Variants in ZNF696 observed in about 807,000 individuals in gnomAD.
ZNF696 encodes the protein zinc finger protein 696.
ZNF696 carries 10 observed loss-of-function variants against 12.3 expected under a neutral mutation model. That is an observed-to-expected ratio of 0.81 (90% CI 0.50 to 1.38). The LOEUF is 1.38. Among genes scored for constraint, ZNF696 ranks in the 40% most tolerant of loss-of-function variants. ZNF696 has a pLI of 0.00. For synonymous variants in ZNF696, 304 were observed against 243.9 expected (o/e 1.25, Z -2.29); for missense variants, 675 against 554.7 (o/e 1.22, Z -2.18).
intron 1 of ZNF696, 87 bp from the exon 2 acceptor site, chr8:143,292,885 C>T: frequency 8.6e-7 from 1 of 1,169,450 alleles, no homozygotes; most frequent in African/African-American, 1.5e-5. Context: ...CTGACAGTTT[C>T]CTCTGAAGGC....
At position 143,296,313 on chromosome 8, in the gene ZNF696, A is replaced by T. The variant is rs1487294480; in HGVS notation, c.638A>T (p.Asp213Val). ...GGCGAGAAGCCCTACGCGTGCGCCG[A>T]CTGCGGCAAGGCCTTCGGCCAGAGG... ...HTGEKPYACA[D>V]CGKAFGQRSD... The change falls in exon 3 of 3, where the codon GAC becomes GTC. Residue 213 changes from aspartate (D) to valine (V), a missense_variant. Asp to Val is a radical substitution (Grantham distance 152). Transcript: ENST00000330143. 5 of 1,596,528 alleles carry T rather than the reference A, an allele frequency of 3.1e-6. No homozygotes were observed. The highest frequency in any genetic ancestry group is 4.3e-6 in the Non-Finnish European group (5 of 1,174,954).
At position 143,298,117 on chromosome 8, in the gene ZNF696, C is replaced by G. The variant is rs1370954186; in HGVS notation, c.*1317C>G. The G allele has an allele frequency of 6.6e-6, 1 of 152,204 alleles. No homozygotes were observed. Among genetic ancestry groups the G allele is most frequent in the African/African-American group, 2.4e-5 (1 of 41,448 alleles). The allele number at this position is 152,204 out of a possible 1,614,324, so 9.4% of individuals were successfully genotyped here. A position where few individuals can be genotyped will look rare whatever the true frequency, so the allele number is the denominator to read the frequency against. The stretch of plus-strand genomic sequence containing the variant: ...ATGACAGGGAAATGTGAGCCGCCTA[C>G]TGGCCGTGAGCCCCTGGGGTGCGGT... On this transcript the variant is annotated 3_prime_UTR_variant, in exon 3 of 3. Transcript: ENST00000330143.
chr8:143,296,737 C>T lies in ZNF696; in HGVS notation c.1062C>T (p.Cys354=), dbSNP rs1297918432. 6 of 1,506,610 alleles carry T rather than the reference C, an allele frequency of 4.0e-6. No homozygotes were observed. The highest frequency in any genetic ancestry group is 2.2e-5 in the Admixed American group (1 of 45,086). 93.3% of individuals were successfully genotyped at this position (1,506,610 alleles called of 1,614,324 possible). Residue 354 remains cysteine (C), a synonymous_variant, in exon 3 of 3, where the codon TGC becomes TGT. Coordinates refer to ENST00000330143, the MANE Select transcript of ZNF696 (RefSeq NM_030895.3). ...TGEKPFRCTE[C]GRAFRLSFHL... ...AGAAGCCGTTCCGCTGCACCGAGTG[C>T]GGCCGCGCCTTCCGCCTGAGCTTCC... is the stretch of plus-strand genomic sequence containing the variant.
intron 2 of ZNF696, among the ~76,000 whole-genome samples, chr8:143,293,679 CACGT>C (rs1190078251): frequency 7.6e-6 from 1 of 132,316 alleles, no homozygotes; most frequent in African/African-American, 3.4e-5. Flanking sequence ...AGAGCTCCAC[CACGT>C]ATGTGTCCCC....
rs1176662319 is a variant in ZNF696, at chr8:143,296,366, C to G, written c.691C>G (p.His231Asp). 2 of 1,594,228 alleles carry G rather than the reference C, an allele frequency of 1.3e-6. No individual in the cohort carries two copies. The highest frequency in any genetic ancestry group is 1.7e-6 in the Non-Finnish European group (2 of 1,173,938). The change falls in exon 3 of 3, where the codon CAC (histidine) becomes GAC (aspartate). Residue 231 changes from histidine (H) to aspartate (D), a missense_variant. Physicochemically the swap from His to Asp is moderately conservative, Grantham distance 81. Transcript: ENST00000330143. The stretch of plus-strand genomic sequence containing the variant: ...GGACGCCGCCAAGCACCGCCGCACC[C>G]ACACCGGGGAGAGGCTGTACGCGTG... ...RSDAAKHRRTHTGERLYACGE... is the reference protein window; with the variant it reads ...RSDAAKHRRTDTGERLYACGE...
In ZNF696 at chr8:143,297,073, G is replaced by T; in HGVS notation, c.*273G>T. 2.8e-6 allele frequency: 1 copy of T among 363,578 alleles called. No homozygotes were observed. The highest frequency in any genetic ancestry group is 4.9e-6 in the Non-Finnish European group (1 of 204,318). 22.5% of individuals were successfully genotyped at this position (363,578 alleles called of 1,614,324 possible). A position where few individuals can be genotyped will look rare whatever the true frequency, so the allele number is the denominator to read the frequency against. ...TGTCCCGGGCCGGCCGCCCGCCTCT[G>T]AGACTCCCCGCCTCCCACGGTCAGC... On this transcript the variant is annotated 3_prime_UTR_variant, in exon 3 of 3. Transcript: ENST00000330143.
Position 143,296,748 on chromosome 8 carries a change from TCC to T in ZNF696, c.1074_1075del (p.Phe358LeufsTer141), listed in dbSNP as rs1310008977. On this transcript the variant is annotated frameshift_variant, in exon 3 of 3. Coordinates refer to ENST00000330143, the MANE Select transcript of ZNF696 (RefSeq NM_030895.3). LOFTEE classifies it high-confidence loss of function. ...CGCTGCACCGAGTGCGGCCGCGCCT[TCC>T]GCCTGAGCTTCCACCTCATCCAGCA... is the stretch of plus-strand genomic sequence containing the variant. 6.7e-6 allele frequency: 10 copies of T among 1,484,954 alleles called. No homozygotes were observed. The highest frequency in any genetic ancestry group is 2.4e-5 in the Admixed American group (1 of 42,392). 92.0% of individuals were successfully genotyped at this position (1,484,954 alleles called of 1,614,324 possible).
chr8:143,296,672 C>T lies in ZNF696; in HGVS notation c.997C>T (p.Leu333=). 1.9e-6 allele frequency: 3 copies of T among 1,568,944 alleles called. No individual in the cohort carries two copies. Among genetic ancestry groups the T allele is most frequent in the Non-Finnish European group, 1.7e-6 (2 of 1,165,106 alleles). ...CGHCGRAFRA[L]SGFFRHQRLH... The stretch of plus-strand genomic sequence containing the variant: ...CCACTGCGGGCGCGCGTTCCGGGCG[C>T]TGTCGGGCTTCTTCCGGCACCAGCG... Residue 333 remains leucine, a synonymous_variant, in exon 3 of 3, where the codon CTG becomes TTG. Transcript: ENST00000330143.
Position 143,298,589 on chromosome 8 carries a change from A to C in ZNF696, c.*1789A>C, listed in dbSNP as rs1257301565. Among the ~76,000 whole-genome samples, 2 of 152,202 alleles carry C rather than the reference A, an allele frequency of 1.3e-5. No individual in the cohort carries two copies. The highest frequency in any genetic ancestry group is 4.8e-5 in the African/African-American group (2 of 41,448). ...AGTCAGCTGACTGAGGGCCAACAGA[A>C]ACAGCAGGCAGCCGCTGTCAGCCAC... On this transcript the variant is annotated 3_prime_UTR_variant, in exon 3 of 3. Transcript: ENST00000330143.
chr8:143,296,618 C>G lies in ZNF696; in HGVS notation c.943C>G (p.His315Asp). 1 of 1,586,150 alleles carries G rather than the reference C, an allele frequency of 6.3e-7. No homozygotes were observed. Among genetic ancestry groups the G allele is most frequent in the Non-Finnish European group, 8.5e-7 (1 of 1,172,474 alleles). ...SSFLREHRRI[H>D]TGEKPHQCGH... ...CTTCCTCCGCGAGCACCGCCGCATC[C>G]ACACCGGGGAGAAGCCCCACCAGTG... Residue 315 changes from histidine to aspartate, a missense_variant, in exon 3 of 3, where the codon CAC (histidine) becomes GAC (aspartate). His to Asp is a moderately conservative substitution (Grantham distance 81, BLOSUM62 -1). Coordinates refer to ENST00000330143, the MANE Select transcript of ZNF696 (RefSeq NM_030895.3).
rs769135621 is a variant in ZNF696 at position 143,296,316 on chromosome 8, G to C, written c.641G>C (p.Cys214Ser). 1 of 1,597,956 alleles carries C rather than the reference G, an allele frequency of 6.3e-7. No individual in the cohort carries two copies. The highest frequency in any genetic ancestry group is 2.2e-5 in the East Asian group (1 of 44,628). Residue 214 changes from cysteine (C) to serine (S), a missense_variant, in exon 3 of 3, where the codon TGC (cysteine) becomes TCC (serine). Cys to Ser is a moderately radical substitution (Grantham distance 112). Coordinates refer to ENST00000330143, the MANE Select transcript of ZNF696 (RefSeq NM_030895.3). ...TGEKPYACAD[C>S]GKAFGQRSDA... ...GAGAAGCCCTACGCGTGCGCCGACT[G>C]CGGCAAGGCCTTCGGCCAGAGGTCG...
At position 143,296,228 on chromosome 8, in the gene ZNF696, G is replaced by C. The variant is rs1372320418; in HGVS notation, c.553G>C (p.Glu185Gln). 5 of 1,596,044 alleles carry C rather than the reference G, an allele frequency of 3.1e-6. No individual in the cohort carries two copies. Among genetic ancestry groups the C allele is most frequent in the Admixed American group, 3.4e-5 (2 of 58,530 alleles). ...HSGERPYACA[E>Q]CGKAFGQSFN... ...CGGGGAGAGGCCCTACGCGTGCGCC[G>C]AGTGCGGCAAGGCCTTCGGCCAGAG... Residue 185 changes from glutamate to glutamine, a missense_variant, in exon 3 of 3, where the codon GAG becomes CAG. Transcript: ENST00000330143.
chr8:143,291,891 C>A, intron 1 of ZNF696, 124 bp downstream of exon 1: 1 of 616,502 alleles, frequency 1.6e-6, no homozygotes, highest in Non-Finnish European at 2.0e-6. Flanking sequence ...CTCAAGCGAT[C>A]CTCCCGCTCA....
Position 143,296,574 on chromosome 8 carries a change from G to A in ZNF696, c.899G>A (p.Arg300His). ...CCCTTCGCCTGCCAGGACTGCGGCCGCGCCTTCAGCCGCAGCTCCTTCCTC... is the reference window on the plus strand; with the variant it reads ...CCCTTCGCCTGCCAGGACTGCGGCCACGCCTTCAGCCGCAGCTCCTTCCTC... ...ERPFACQDCG[R>H]AFSRSSFLRE... The change falls in exon 3 of 3, where the codon CGC becomes CAC. Residue 300 changes from arginine (R) to histidine (H), a missense_variant. Arg to His is a conservative substitution (Grantham distance 29). Transcript: ENST00000330143. 1 of 1,590,990 alleles carries A rather than the reference G, an allele frequency of 6.3e-7. No individual in the cohort carries two copies. Among genetic ancestry groups the A allele is most frequent in the Non-Finnish European group, 8.5e-7 (1 of 1,174,088 alleles).
rs1339655383 is a variant in ZNF696, at chr8:143,297,105, G to A, written c.*305G>A. On this transcript the variant is annotated 3_prime_UTR_variant, in exon 3 of 3. Transcript: ENST00000330143. ...CCCGCCTCCCACGGTCAGCTGCTGC[G>A]GGGCAGTGGCCGGTGATTGAATCGG... 6.4e-6 allele frequency: 2 copies of A among 314,538 alleles called. No homozygotes were observed. The highest frequency in any genetic ancestry group is 5.1e-5 in the East Asian group (1 of 19,624). 19.5% of individuals were successfully genotyped at this position (314,538 alleles called of 1,614,324 possible). A position where few individuals can be genotyped will look rare whatever the true frequency, so the allele number is the denominator to read the frequency against.
rs1815726996 is a variant in ZNF696, at chr8:143,296,768, A to C, written c.1093A>C (p.Ile365Leu). The change falls in exon 3 of 3, where the codon ATC becomes CTC. Residue 365 changes from isoleucine (I) to leucine (L), a missense_variant. Ile to Leu is a conservative substitution (Grantham distance 5). Coordinates refer to ENST00000330143, the MANE Select transcript of ZNF696 (RefSeq NM_030895.3). ...GRAFRLSFHLIQHRRVHGAE is the reference protein window; with the variant it reads ...GRAFRLSFHLLQHRRVHGAE ...CGCCTTCCGCCTGAGCTTCCACCTC[A>C]TCCAGCACCGGCGGGTGCATGGCGC... 1 of 1,451,238 alleles carries C rather than the reference A, an allele frequency of 6.9e-7. No individual in the cohort carries two copies. The highest frequency in any genetic ancestry group is 9.0e-7 in the Non-Finnish European group (1 of 1,110,756). 89.9% of individuals were successfully genotyped at this position (1,451,238 alleles called of 1,614,324 possible). A position where few individuals can be genotyped will look rare whatever the true frequency, so the allele number is the denominator to read the frequency against.
In ZNF696 at chr8:143,296,263, C is replaced by T. The variant is rs757773639; in HGVS notation, c.588C>T (p.Leu196=). The T allele has an allele frequency of 3.1e-6, 5 of 1,598,144 alleles. No individual in the cohort carries two copies. Among genetic ancestry groups the T allele is most frequent in the Non-Finnish European group, 3.4e-6 (4 of 1,175,946 alleles). Residue 196 remains leucine, a synonymous_variant, in exon 3 of 3, where the codon CTC becomes CTT. Coordinates refer to ENST00000330143, the MANE Select transcript of ZNF696 (RefSeq NM_030895.3). ...AGGCCTTCGGCCAGAGCTTCAACCT[C>T]CTCCGGCACCAGCGCGTGCACACGG... ...CGKAFGQSFN[L]LRHQRVHTGE...
At chr8:143,293,220 C>G (rs73378292) in intron 2 of ZNF696, 155 bp downstream of exon 2, 9,175 of 625,650 alleles carry the variant, frequency 0.015, 611 homozygotes, top group African/African-American at 0.14. Context: ...CCCATCAGAT[C>G]TCCTGGGCAT....
At position 143,296,676 on chromosome 8, in the gene ZNF696, C is replaced by T. The variant is rs1309634069; in HGVS notation, c.1001C>T (p.Ser334Leu). 1.3e-6 allele frequency: 2 copies of T among 1,569,580 alleles called. No homozygotes were observed. The highest frequency in any genetic ancestry group is 1.7e-6 in the Non-Finnish European group (2 of 1,165,370). The change falls in exon 3 of 3, where the codon TCG (serine) becomes TTG (leucine). Residue 334 changes from serine to leucine, a missense_variant. Coordinates refer to ENST00000330143, the MANE Select transcript of ZNF696 (RefSeq NM_030895.3). Reference sequence around the variant, plus strand: ...TGCGGGCGCGCGTTCCGGGCGCTGTCGGGCTTCTTCCGGCACCAGCGACTC... The same window carrying T: ...TGCGGGCGCGCGTTCCGGGCGCTGTTGGGCTTCTTCCGGCACCAGCGACTC... ...GHCGRAFRAL[S>L]GFFRHQRLHT...
Sources: gnomAD v4.1 joint callset for allele counts (sites outside exome capture counted in the v4.1 genomes callset) on GRCh38, gnomAD v4.1.1 for gene constraint, MANE v1.5 for transcripts, NCBI Gene and HGNC (gene_info 2026-07-23, HGNC 2026-07-21) for gene names.